WDR37: variants seen among roughly 807,000 people sequenced by gnomAD.
WDR37 encodes the protein WD repeat-containing protein 37.
WDR37 carries 19 observed loss-of-function variants against 62.9 expected under a neutral mutation model. The observed-to-expected ratio is 0.30, with a 90% CI of 0.21 to 0.44. The LOEUF (loss-of-function observed/expected upper bound fraction) is 0.44. WDR37 is among the 20% of genes least tolerant of loss of function. The pLI is 1.00. For missense variants in WDR37, 474 were observed against 657.6 expected, an observed-to-expected ratio of 0.72 and a Z score of 3.05; for synonymous variants, 250 against 260.9, an observed-to-expected ratio of 0.96 and a Z score of 0.40.
Position 1,072,306 on chromosome 10 carries a change from T to C in WDR37, c.138+13T>C, listed in dbSNP as rs1833753604. On this transcript the variant is annotated intron_variant, in intron 2 of 13. Coordinates refer to ENST00000263150, the MANE Select transcript of WDR37 (RefSeq NM_014023.4). ...GTTAGAAGGACAAGTAAGCTACGAT[T>C]GATTAGGGCCTTATTGATTGATTGA... The C allele has an allele frequency of 2.5e-6, 4 of 1,612,486 alleles. No individual in the cohort carries two copies. Among genetic ancestry groups the C allele is most frequent in the Non-Finnish European group, 3.4e-6 (4 of 1,179,478 alleles).
intron 7 of WDR37, among the ~76,000 whole-genome samples, chr10:1,088,851 C>A (rs1834290303): frequency 6.6e-6 from 1 of 152,138 alleles, no homozygotes; most frequent in Non-Finnish European, 1.5e-5. Context: ...CCAGTACCTA[C>A]AAAGCACAGT....
At chr10:1,075,551 T>C (rs1401038748) in intron 2 of WDR37, among the ~76,000 whole-genome samples, 1 of 152,078 alleles carries the variant, frequency 6.6e-6, no homozygotes, top group Non-Finnish European at 1.5e-5. Context: ...ATGATGTAAT[T>C]AGTTGCTGAA....
intron 9 of WDR37, among the ~76,000 whole-genome samples, chr10:1,101,849 G>A (rs1352982207): frequency 6.6e-6 from 1 of 152,172 alleles, no homozygotes; most frequent in Non-Finnish European, 1.5e-5. Flanking sequence ...GTAATTCTGT[G>A]TGAAATAGCG....
intron 7 of WDR37, among the ~76,000 whole-genome samples, chr10:1,092,512 A>G (rs1385642694): frequency 1.3e-5 from 2 of 151,686 alleles, no homozygotes; most frequent in East Asian, 3.9e-4. Flanking sequence ...CTGGGACTAC[A>G]GGCGCCTGCC....
intron 5 of WDR37, among the ~76,000 whole-genome samples, chr10:1,081,348 C>T (rs1417264966): frequency 6.6e-6 from 1 of 152,170 alleles, no homozygotes; most frequent in African/African-American, 2.4e-5. Context: ...TGTACTTTGG[C>T]ATATTTCAAG....
intron 1 of WDR37, among the ~76,000 whole-genome samples, chr10:1,069,515 A>G (rs1833668076): frequency 6.6e-6 from 1 of 151,482 alleles, no homozygotes; most frequent in Non-Finnish European, 1.5e-5. Context: ...GTTGGATCGT[A>G]ACCATTAAAT....
intron 11 of WDR37, among the ~76,000 whole-genome samples, chr10:1,111,405 TA>T (rs2131673727): frequency 6.6e-6 from 1 of 152,320 alleles, no homozygotes; most frequent in East Asian, 1.9e-4. Context: ...TTTTTTTTCT[TA>T]CTGTAATCCC....
At chr10:1,074,225 A>G in intron 2 of WDR37, 1 of 611,592 alleles carries the variant, frequency 1.6e-6, no homozygotes, top group Non-Finnish European at 2.0e-6. Flanking sequence ...CATTTCTAGC[A>G]GTGGAAACCC....
chr10:1,103,677 C>G lies in WDR37; in HGVS notation c.802C>G (p.Pro268Ala). 1.9e-6 allele frequency: 3 copies of G among 1,614,252 alleles called. No individual in the cohort carries two copies. The highest frequency in any genetic ancestry group is 1.7e-6 in the Non-Finnish European group (2 of 1,180,050). The change falls in exon 10 of 14, where the codon CCC becomes GCC. Residue 268 changes from proline (P) to alanine (A), a missense_variant. By Grantham distance (27) the Pro-to-Ala change is conservative. Transcript: ENST00000263150. The surrounding 1 kb of genome is among the most constrained non-coding windows in gnomAD (Gnocchi z 6.3). ...CGATGGGGATGTGTCCAGCGACTGC[C>G]CCACCATCCGCGTCCCACTGACATC... is the stretch of plus-strand genomic sequence containing the variant. Reference protein sequence around the residue: ...DLDGDVSSDCPTIRVPLTSLK... With the variant: ...DLDGDVSSDCATIRVPLTSLK...
intron 5 of WDR37, 92 bp downstream of exon 5, chr10:1,080,568 T>C (rs1833997000): frequency 7.1e-7 from 1 of 1,404,940 alleles, no homozygotes. Context: ...TAGAAAGGCA[T>C]AGCAGAAAAA....
At chr10:1,089,087 A>G (rs1281178034) in intron 7 of WDR37, among the ~76,000 whole-genome samples, 5 of 152,038 alleles carry the variant, frequency 3.3e-5, no homozygotes, top group African/African-American at 1.2e-4. Context: ...TTGTCCTTCA[A>G]GGGTGTGTCT....
Position 1,084,495 on chromosome 10 carries a change from C to T in WDR37, c.489C>T (p.Ser163=), listed in dbSNP as rs369200032. The part of the protein sequence containing the change: ...IGHRDGIWDV[S]VAKTQPVVLG... Reference sequence around the variant, plus strand: ...ACCGGGACGGCATCTGGGATGTCAGCGTGGCCAAGACACAGCCAGTGGTGC... The same window carrying T: ...ACCGGGACGGCATCTGGGATGTCAGTGTGGCCAAGACACAGCCAGTGGTGC... Residue 163 remains serine, a synonymous_variant, in exon 6 of 14, where the codon AGC becomes AGT. Coordinates refer to ENST00000263150, the MANE Select transcript of WDR37 (RefSeq NM_014023.4). 4.5e-5 allele frequency: 73 copies of T among 1,614,188 alleles called. No individual in the cohort carries two copies. In the South Asian group the frequency reaches 7.5e-4, roughly 17 times the overall value.
At chr10:1,067,309 T>G (rs1401083392) in intron 1 of WDR37, among the ~76,000 whole-genome samples, 1 of 152,148 alleles carries the variant, frequency 6.6e-6, no homozygotes, top group South Asian at 2.1e-4. Flanking sequence ...ATATAGGTAA[T>G]AAATTTAGAT....
At chr10:1,122,565 C>T (rs1041685966) in intron 11 of WDR37, among the ~76,000 whole-genome samples, 6 of 152,210 alleles carry the variant, frequency 3.9e-5, no homozygotes, top group Admixed American at 6.5e-5. Context: ...CGCGCAGCCC[C>T]CTGGCCGTTG....
rs1491098746 is a variant in WDR37 at position 1,069,390 on chromosome 10, T to TATATATATATATA, written c.-40-2726_-40-2725insATATATATATATA. 3.3e-3 allele frequency among the ~76,000 whole-genome samples: 153 copies of TATATATATATATA among 47,070 alleles called. 1 individual carries two copies. Among genetic ancestry groups the TATATATATATATA allele is most frequent in the East Asian group, 0.02 (19 of 950 alleles). The allele number at this position is 47,070 out of a possible 152,430, so 30.9% of individuals were successfully genotyped here. On this transcript the variant is annotated intron_variant, in intron 1 of 13. Transcript: ENST00000263150. ...GAAAGAATATATATATATATATATA[T>TATATATATATATA]TTTTTTTTTTTTTTTTTGCAGCAGG... is the stretch of plus-strand genomic sequence containing the variant.
rs1371534100 is a variant in WDR37, at chr10:1,103,815, G to A, written c.940G>A (p.Glu314Lys). The A allele has an allele frequency of 5.0e-6, 8 of 1,614,046 alleles. No homozygotes were observed. Among genetic ancestry groups the A allele is most frequent in the South Asian group, 2.2e-5 (2 of 91,072 alleles). ...AAACCTGTACGACGTGGAGACGTCC[G>A]AGCTCGTTCACTCTCTGACAGGTGC... ...TANLYDVETS[E>K]LVHSLTGHDQ... is the part of the protein sequence containing the mutation. The change falls in exon 10 of 14, where the codon GAG (glutamate) becomes AAG (lysine). Residue 314 changes from glutamate (E) to lysine (K), a missense_variant. Transcript: ENST00000263150. This position sits in a 1 kb window ranked among gnomAD's most constrained non-coding sequence, Gnocchi z 6.3.
At chr10:1,060,311 G>A (rs899275565) in intron 1 of WDR37, among the ~76,000 whole-genome samples, 2 of 152,178 alleles carry the variant, frequency 1.3e-5, no homozygotes, top group African/African-American at 2.4e-5. Context: ...GGTGTATTAC[G>A]TACACGGCAA....
At chr10:1,116,499 C>G (rs536481761) in intron 11 of WDR37, among the ~76,000 whole-genome samples, 1 of 152,182 alleles carries the variant, frequency 6.6e-6, no homozygotes, top group Non-Finnish European at 1.5e-5. Flanking sequence ...AAGATAATGG[C>G]CCCCAGTTCT....
At chr10:1,086,448 G>A in intron 7 of WDR37, 91 bp downstream of exon 7, 1 of 1,003,720 alleles carries the variant, frequency 1.0e-6, no homozygotes. Flanking sequence ...AGCTGCTACT[G>A]TGTAGGAAGC....
Sources: allele counts gnomAD v4.1 joint callset (sites outside exome capture counted in the v4.1 genomes callset), GRCh38; gene constraint gnomAD v4.1.1; non-coding constraint Gnocchi (gnomAD v3.1); transcripts MANE v1.5; gene names NCBI Gene and HGNC (gene_info 2026-07-23, HGNC 2026-07-21).